The following DBF4B variants were observed in gnomAD, a reference collection of about 807,000 sequenced individuals.
DBF4B encodes DBF4B-CDC7 kinase regulatory subunit.
In DBF4B, 49 loss-of-function variants were observed where a neutral mutation model predicts 53.4. The observed-to-expected ratio is 0.92, with a 90% CI of 0.73 to 1.16. The LOEUF (loss-of-function observed/expected upper bound fraction) is 1.16. Ranked by LOEUF, DBF4B falls within the 50% of genes most tolerant of loss-of-function variation. DBF4B has a pLI of 0.00. For synonymous variants in DBF4B, 257 were observed against 288.7 expected (o/e 0.89, Z 1.11); for missense variants, 692 against 775.0 (o/e 0.89, Z 1.27).
intron 2 of DBF4B, chr17:44,719,857 A>C: frequency 4.5e-6 from 1 of 222,406 alleles, no homozygotes; most frequent in South Asian, 9.7e-5. Flanking sequence ...TTTTTCTAAA[A>C]CATGTGAGTC....
chr17:44,748,470 C>T lies in DBF4B; in HGVS notation c.1189+5C>T. ...AAGACAGCTGCCAGGCATCAGGTATCCCAGAGCAGGATGGGACAGTGGACA... is the reference window on the plus strand; with the variant it reads ...AAGACAGCTGCCAGGCATCAGGTATTCCAGAGCAGGATGGGACAGTGGACA... On this transcript the variant is annotated splice_donor_5th_base_variant and intron_variant, in intron 13 of 13. Coordinates refer to ENST00000315005, the MANE Select transcript of DBF4B (RefSeq NM_145663.3). 1 of 1,613,902 alleles carries T rather than the reference C, an allele frequency of 6.2e-7. No homozygotes were observed. The highest frequency in any genetic ancestry group is 8.5e-7 in the Non-Finnish European group (1 of 1,179,874).
chr17:44,732,072 C>G (rs934178876), intron 5 of DBF4B, 106 bp from the exon 6 acceptor site: 1 of 1,061,240 alleles, frequency 9.4e-7, no homozygotes, highest in Non-Finnish European at 1.4e-6. Flanking sequence ...CCTGCAGTCC[C>G]TCCCATGGAT....
intron 3 of DBF4B, among the ~76,000 whole-genome samples, chr17:44,726,292 T>TTTTTTTA (rs1555676222): frequency 1.1e-4 from 14 of 132,054 alleles, no homozygotes; most frequent in African/African-American, 4.0e-4. Flanking sequence ...CCCGGCCCTT[T>TTTTTTTA]TTTATTTATT....
chr17:44,731,365 T>G (rs1026702634), intron 5 of DBF4B: 1 of 249,550 alleles, frequency 4.0e-6, no homozygotes, highest in African/African-American at 2.3e-5. Flanking sequence ...ATCCCAGCAC[T>G]TTGGGAGGCT....
chr17:44,726,455 T>C (rs1974354403), intron 3 of DBF4B, among the ~76,000 whole-genome samples: 1 of 151,248 alleles, frequency 6.6e-6, no homozygotes, highest in Non-Finnish European at 1.5e-5. Context: ...AGAGACAGGG[T>C]CTCGCTGTGT....
intron 3 of DBF4B, among the ~76,000 whole-genome samples, chr17:44,723,539 A>AGC (rs1374119796): frequency 6.6e-6 from 1 of 152,072 alleles, no homozygotes; most frequent in Non-Finnish European, 1.5e-5. Context: ...GGATTACTTG[A>AGC]CGTCAGGAGT....
intron 3 of DBF4B, among the ~76,000 whole-genome samples, chr17:44,725,554 A>C (rs1974237454): frequency 6.6e-6 from 1 of 151,890 alleles, no homozygotes; most frequent in African/African-American, 2.4e-5. Context: ...TCACCCCAAA[A>C]AGGAAACCCT....
At chr17:44,739,476 C>A (rs185977327) in intron 9 of DBF4B, among the ~76,000 whole-genome samples, 1 of 152,246 alleles carries the variant, frequency 6.6e-6, no homozygotes, top group East Asian at 1.9e-4. Flanking sequence ...CACCTGCAGA[C>A]AGTGCTGCGC....
At chr17:44,725,684 C>CTTCTTTTTTTTTTTTTTTTTTT (rs777349094) in intron 3 of DBF4B, among the ~76,000 whole-genome samples, 1 of 87,662 alleles carries the variant, frequency 1.1e-5, no homozygotes, top group African/African-American at 4.8e-5. Context: ...TTTTGTGCTT[C>CTTCTTTTTTTTTTTTTTTTTTT]TTTTTTTTTT....
chr17:44,731,323 C>T, intron 5 of DBF4B: 1 of 320,966 alleles, frequency 3.1e-6, no homozygotes, highest in Non-Finnish European at 6.1e-6. Context: ...TTACAAGTAA[C>T]TCTAGGCTGG....
At chr17:44,748,542 A>G (rs953007285) in intron 13 of DBF4B, 77 bp downstream of exon 13, 17 of 1,597,208 alleles carry the variant, frequency 1.1e-5, no homozygotes, top group Non-Finnish European at 1.5e-5. Flanking sequence ...AGGTACCTGG[A>G]CCTATAGCAA....
In DBF4B at chr17:44,736,871, G is replaced by A. The variant is rs201091107; in HGVS notation, c.667+5G>A. 119 of 1,613,850 alleles carry A rather than the reference G, an allele frequency of 7.4e-5. No individual in the cohort carries two copies. Among genetic ancestry groups the A allele is most frequent in the South Asian group, 9.9e-5 (9 of 91,026 alleles). ...CAGAGTCAAGAACACGGAAAGGTCAGTGTGGTAGCTTTTCCTCATCTAATT... is the reference window on the plus strand; with the variant it reads ...CAGAGTCAAGAACACGGAAAGGTCAATGTGGTAGCTTTTCCTCATCTAATT... On this transcript the variant is annotated splice_donor_5th_base_variant and intron_variant, in intron 8 of 13. Transcript: ENST00000315005.
Position 44,752,218 on chromosome 17 carries a change from G to A in DBF4B, c.*965G>A, listed in dbSNP as rs2049289890. On this transcript the variant is annotated 3_prime_UTR_variant, in exon 14 of 14. Coordinates refer to ENST00000315005, the MANE Select transcript of DBF4B (RefSeq NM_145663.3). ...TCGTCTTTAAGTAAGGGGCTTGGAT[G>A]AGATGATTTCAGGACCCTTTCCAAT... 1 of 534,686 alleles carries A rather than the reference G, an allele frequency of 1.9e-6. No homozygotes were observed. Among genetic ancestry groups the A allele is most frequent in the Admixed American group, 3.1e-5 (1 of 32,154 alleles). The allele number at this position is 534,686 out of a possible 1,614,324, so 33.1% of individuals were successfully genotyped here.
intron 2 of DBF4B, among the ~76,000 whole-genome samples, chr17:44,713,486 C>T (rs866298400): frequency 1.3e-5 from 2 of 151,840 alleles, no homozygotes; most frequent in Non-Finnish European, 2.9e-5. Context: ...AACCCTGTCT[C>T]TACTAAAAAT....
Position 44,749,634 on chromosome 17 carries a change from T to C in DBF4B, c.1190-961T>C. On this transcript the variant is annotated intron_variant, in intron 13 of 13. Transcript: ENST00000315005. The surrounding 1 kb of genome is among the most constrained non-coding windows in gnomAD (Gnocchi z 4.4). ...CTGCCATGTTCCTGACCAGGCAGAG[T>C]CTACAGTGGGCTTGCCCAGCTGAGG... 1 of 1,181,698 alleles carries C rather than the reference T, an allele frequency of 8.5e-7. No homozygotes were observed. The highest frequency in any genetic ancestry group is 1.1e-6 in the Non-Finnish European group (1 of 937,108). The allele number at this position is 1,181,698 out of a possible 1,614,324, so 73.2% of individuals were successfully genotyped here.
In DBF4B at chr17:44,725,684, C is replaced by CTTTTTTTTTTTTTTTTTTT. The variant is rs68091397; in HGVS notation, c.225+2664_225+2682dup. Among the ~76,000 whole-genome samples, 94 of 87,622 alleles carry CTTTTTTTTTTTTTTTTTTT rather than the reference C, an allele frequency of 1.1e-3. 13 individuals carry two copies. Among genetic ancestry groups the CTTTTTTTTTTTTTTTTTTT allele is most frequent in the African/African-American group, 2.7e-3 (57 of 20,848 alleles). The allele number at this position is 87,622 out of a possible 152,430, so 57.5% of individuals were successfully genotyped here. A position where few individuals can be genotyped will look rare whatever the true frequency, so the allele number is the denominator to read the frequency against. The stretch of plus-strand genomic sequence containing the variant: ...ATCCTGCCTTTGTTTTTTTGTGCTT[C>CTTTTTTTTTTTTTTTTTTT]TTTTTTTTTTTTTTTTTTTTAAGAG... On this transcript the variant is annotated intron_variant, in intron 3 of 13. Coordinates refer to ENST00000315005, the MANE Select transcript of DBF4B (RefSeq NM_145663.3).
chr17:44,751,310 G>A lies in DBF4B; in HGVS notation c.*57G>A. On this transcript the variant is annotated 3_prime_UTR_variant, in exon 14 of 14. Transcript: ENST00000315005. ...AGGATGGATGGGTGCTGCTTGATGT[G>A]AATGAGGTCCCGCAGTGGCTCCTTG... 3 of 1,559,698 alleles carry A rather than the reference G, an allele frequency of 1.9e-6. No homozygotes were observed. Among genetic ancestry groups the A allele is most frequent in the Admixed American group, 1.8e-5 (1 of 55,352 alleles).
At chr17:44,712,993 C>T (rs923063508) in intron 2 of DBF4B, among the ~76,000 whole-genome samples, 18 of 151,346 alleles carry the variant, frequency 1.2e-4, no homozygotes, top group African/African-American at 4.4e-4. Context: ...TTTATCTCCC[C>T]AGTATATATG....
intron 2 of DBF4B, among the ~76,000 whole-genome samples, chr17:44,722,001 G>C (rs1382192942): frequency 6.6e-6 from 1 of 152,048 alleles, no homozygotes; most frequent in African/African-American, 2.4e-5. Flanking sequence ...AGGCATGGTG[G>C]TGCATGCCTG....
Sources: allele counts gnomAD v4.1 joint callset (sites outside exome capture counted in the v4.1 genomes callset), GRCh38; gene constraint gnomAD v4.1.1; non-coding constraint Gnocchi (gnomAD v3.1); transcripts MANE v1.5; gene names NCBI Gene and HGNC (gene_info 2026-07-23, HGNC 2026-07-21).